The following FANCA variants were observed in gnomAD, a reference collection of about 807,000 sequenced individuals.
The protein encoded by FANCA is FA complementation group A.
A neutral mutation model predicts 194.3 loss-of-function variants in FANCA; 236 were observed. The observed-to-expected ratio is 1.21, with a 90% CI of 1.09 to 1.35. The LOEUF is 1.35. FANCA is among the 40% of genes most tolerant of loss of function. The pLI, the probability that FANCA is intolerant of heterozygous loss-of-function variation, is 0.00. For synonymous variants in FANCA, 1,014 were observed against 715.8 expected, an observed-to-expected ratio of 1.42 and a Z score of -6.65; for missense variants, 2,628 against 1,813.9, an observed-to-expected ratio of 1.45 and a Z score of -8.15.
At chr16:89,766,900 C>T (rs2039147705) in intron 27 of FANCA, among the ~76,000 whole-genome samples, 2 of 152,198 alleles carry the variant, frequency 1.3e-5, no homozygotes. Context: ...CATACAACTT[C>T]ACTTTACACT....
At chr16:89,770,759 T>G in intron 23 of FANCA, 125 bp from the exon 24 acceptor site, 1 of 819,146 alleles carries the variant, frequency 1.2e-6, no homozygotes, top group South Asian at 1.5e-5. Flanking sequence ...AAAACAGGCT[T>G]GTTTGGAGGG....
At chr16:89,811,171 C>G in intron 3 of FANCA, 100 bp from the exon 4 acceptor site, 1 of 1,503,490 alleles carries the variant, frequency 6.7e-7, no homozygotes, top group East Asian at 2.3e-5. Context: ...AGATGCAGCA[C>G]AAAAAAAATT....
chr16:89,754,971 C>T (rs2038720119), intron 30 of FANCA, among the ~76,000 whole-genome samples: 1 of 152,134 alleles, frequency 6.6e-6, no homozygotes, highest in Non-Finnish European at 1.5e-5. Context: ...AGTTGGAGGC[C>T]TCACACTTCC....
At chr16:89,810,005 G>A (rs530582954) in intron 5 of FANCA, among the ~76,000 whole-genome samples, 16 of 151,802 alleles carry the variant, frequency 1.1e-4, no homozygotes, top group East Asian at 1.9e-4. Context: ...CAGCCTGGGC[G>A]GCAGAGCAAT....
chr16:89,768,634 C>G (rs545120810), intron 26 of FANCA, among the ~76,000 whole-genome samples: 4 of 151,714 alleles, frequency 2.6e-5, no homozygotes, highest in Admixed American at 2.6e-4. Flanking sequence ...CCAGCCTGGA[C>G]GATAGAGTGA....
chr16:89,765,122 G>A lies in FANCA; in HGVS notation c.2602-56C>T, dbSNP rs935735173. 17 of 1,595,610 alleles carry A rather than the reference G, an allele frequency of 1.1e-5. No homozygotes were observed. The African/African-American group carries it at 2.3e-4, about 21-fold the overall frequency. ...CATTGCGCAAGTTTCACTGTGAGTG[G>A]CTGAGCAAATGCTCAGGTGGAAACA... On this transcript the variant is annotated intron_variant, in intron 27 of 42. Coordinates refer to ENST00000389301, the MANE Select transcript of FANCA (RefSeq NM_000135.4).
intron 13 of FANCA, 131 bp downstream of exon 13, chr16:89,791,796 G>A: frequency 5.0e-6 from 6 of 1,193,940 alleles, no homozygotes; most frequent in Non-Finnish European, 7.4e-6. Context: ...CCATCGACAG[G>A]AGGCACTGCA....
At position 89,738,463 on chromosome 16, in the gene FANCA, A is replaced by C; in HGVS notation, c.*138T>G. 6.9e-7 allele frequency: 1 copy of C among 1,448,442 alleles called. No homozygotes were observed. The highest frequency in any genetic ancestry group is 9.5e-7 in the Non-Finnish European group (1 of 1,055,450). The allele number at this position is 1,448,442 out of a possible 1,614,324, so 89.7% of individuals were successfully genotyped here. A position where few individuals can be genotyped will look rare whatever the true frequency, so the allele number is the denominator to read the frequency against. Reference sequence around the variant, plus strand: ...TGAGTGACTCGGGGCCGGACAGTTCATAAATAATTGATTCCTTTCCCCACT... The same window carrying C: ...TGAGTGACTCGGGGCCGGACAGTTCCTAAATAATTGATTCCTTTCCCCACT... On this transcript the variant is annotated 3_prime_UTR_variant, in exon 43 of 43. Transcript: ENST00000389301.
chr16:89,774,083 A>G (rs1428941664), intron 21 of FANCA, among the ~76,000 whole-genome samples: 1 of 152,006 alleles, frequency 6.6e-6, no homozygotes, highest in African/African-American at 2.4e-5. Context: ...CTTTCAATAT[A>G]AAAAGGAAGA....
intron 28 of FANCA, among the ~76,000 whole-genome samples, chr16:89,763,494 A>G (rs542873766): frequency 2.0e-5 from 3 of 152,060 alleles, no homozygotes; most frequent in African/African-American, 4.8e-5. Context: ...ATTCTTTTCT[A>G]AAGACCAAAA....
At position 89,737,822 on chromosome 16, in the gene FANCA, C is replaced by T; in HGVS notation, c.*779G>A. 6.2e-7 allele frequency: 1 copy of T among 1,614,222 alleles called. No homozygotes were observed. The highest frequency in any genetic ancestry group is 8.5e-7 in the Non-Finnish European group (1 of 1,180,048). On this transcript the variant is annotated 3_prime_UTR_variant, in exon 43 of 43. Transcript: ENST00000389301. Reference sequence around the variant, plus strand: ...CCCTCTCAGAGGTGCGGAACTATATCTGTGACGAATGTGGACAAACCTTCA... The same window carrying T: ...CCCTCTCAGAGGTGCGGAACTATATTTGTGACGAATGTGGACAAACCTTCA...
chr16:89,749,825 G>C lies in FANCA; in HGVS notation c.3144C>G (p.Leu1048=), dbSNP rs1302242291. Residue 1048 remains leucine (L), a synonymous_variant, in exon 32 of 43, where the codon CTC becomes CTG. Coordinates refer to ENST00000389301, the MANE Select transcript of FANCA (RefSeq NM_000135.4). The stretch of plus-strand genomic sequence containing the variant: ...GGAGCCGTCTGCGGAAAATCTCAAA[G>C]AGGAAGTGCTCCTGGGAAGGGGTGT... The part of the protein sequence containing the change: ...LGHTPSQEHF[L]FEIFRRRLQA... The C allele has an allele frequency of 3.1e-6, 5 of 1,614,238 alleles. No homozygotes were observed. Among genetic ancestry groups the C allele is most frequent in the Non-Finnish European group, 4.2e-6 (5 of 1,180,038 alleles).
Position 89,738,422 on chromosome 16 carries a change from A to G in FANCA, c.*179T>C. 5 of 1,373,284 alleles carry G rather than the reference A, an allele frequency of 3.6e-6. No individual in the cohort carries two copies. The highest frequency in any genetic ancestry group is 2.5e-4 in the Middle Eastern group (1 of 3,938). The allele number at this position is 1,373,284 out of a possible 1,614,324, so 85.1% of individuals were successfully genotyped here. ...TCCTCTGCTCTGGGACCAGTGGTTT[A>G]TTTTCCCGCAAACGCTGAGTGACTC... is the stretch of plus-strand genomic sequence containing the variant. On this transcript the variant is annotated 3_prime_UTR_variant, in exon 43 of 43. Coordinates refer to ENST00000389301, the MANE Select transcript of FANCA (RefSeq NM_000135.4).
Position 89,816,537 on chromosome 16 carries a change from C to G in FANCA, c.79G>C (p.Ala27Pro). Residue 27 changes from alanine to proline, a missense_variant and splice_region_variant, in exon 1 of 43, where the codon GCG becomes CCG. Coordinates refer to ENST00000389301, the MANE Select transcript of FANCA (RefSeq NM_000135.4). ...GRRRAWAELL[A>P]GRVKREKYNP... Reference sequence around the variant, plus strand: ...CCCGCGGCCTGCCGCGCCCACCTACCCAGCAGCTCGGCCCAGGCCCTCCGG... The same window carrying G: ...CCCGCGGCCTGCCGCGCCCACCTACGCAGCAGCTCGGCCCAGGCCCTCCGG... 1 of 1,495,774 alleles carries G rather than the reference C, an allele frequency of 6.7e-7. No homozygotes were observed. The highest frequency in any genetic ancestry group is 8.9e-7 in the Non-Finnish European group (1 of 1,129,670). The allele number at this position is 1,495,774 out of a possible 1,614,324, so 92.7% of individuals were successfully genotyped here. A position where few individuals can be genotyped will look rare whatever the true frequency, so the allele number is the denominator to read the frequency against.
chr16:89,739,189 C>T lies in FANCA; in HGVS notation c.4111G>A (p.Gly1371Arg), dbSNP rs757592625. 3.1e-6 allele frequency: 5 copies of T among 1,614,042 alleles called. No individual in the cohort carries two copies. The highest frequency in any genetic ancestry group is 3.3e-5 in the Admixed American group (2 of 60,006). The change falls in exon 41 of 43, where the codon GGG becomes AGG. Residue 1371 changes from glycine (G) to arginine (R), a missense_variant. Coordinates refer to ENST00000389301, the MANE Select transcript of FANCA (RefSeq NM_000135.4). Reference protein sequence around the residue: ...YLKLVQLFVAGDTSTVSPPAG... With the variant: ...YLKLVQLFVARDTSTVSPPAG... ...GGAGGTGAAACTGTGCTTGTATCCC[C>T]AGCCACGAAGAGCTGGACCAGCTTC...
chr16:89,811,087 A>G lies in FANCA; in HGVS notation c.284-16T>C, dbSNP rs1430823029. On this transcript the variant is annotated splice_polypyrimidine_tract_variant and intron_variant, in intron 3 of 42. Coordinates refer to ENST00000389301, the MANE Select transcript of FANCA (RefSeq NM_000135.4). ...AAAGCAGAGCCTTAAACACAAAACA[A>G]AACCATAGCTTTCTCTTAACACATG... The G allele has an allele frequency of 6.2e-7, 1 of 1,613,882 alleles. No individual in the cohort carries two copies. The highest frequency in any genetic ancestry group is 1.1e-5 in the South Asian group (1 of 91,086).
rs149112292 is a variant in FANCA, at chr16:89,758,699, G to A, written c.2859C>T (p.Asp953=). 2 of 1,613,668 alleles carry A rather than the reference G, an allele frequency of 1.2e-6. No individual in the cohort carries two copies. Among genetic ancestry groups the A allele is most frequent in the Non-Finnish European group, 1.7e-6 (2 of 1,179,678 alleles). ...GCTCATGGATCGCCCACTGGTGGAA[G>A]TCCTGCCTAGAACAGCAAACACTGC... is the stretch of plus-strand genomic sequence containing the variant. ...ADALSDTERQ[D]FHQWAIHEHF... is the part of the protein sequence containing the mutation. Residue 953 remains aspartate, a synonymous_variant, in exon 30 of 43, where the codon GAC becomes GAT. Coordinates refer to ENST00000389301, the MANE Select transcript of FANCA (RefSeq NM_000135.4).
chr16:89,744,247 G>A (rs770026406), intron 36 of FANCA, among the ~76,000 whole-genome samples: 14 of 152,208 alleles, frequency 9.2e-5, no homozygotes, highest in Non-Finnish European at 1.9e-4. Context: ...AGGGGACCCG[G>A]TGTGGCATCA....
Position 89,737,970 on chromosome 16 carries a change from C to T in FANCA, c.*631G>A, listed in dbSNP as rs2062004613. 6.2e-7 allele frequency: 1 copy of T among 1,614,134 alleles called. No homozygotes were observed. The highest frequency in any genetic ancestry group is 8.5e-7 in the Non-Finnish European group (1 of 1,180,008). Reference sequence around the variant, plus strand: ...TCGCACCTTCTTATCTGCCTCTGTCCCCCAGGTGTGAGGTCTGTGGGTTCC... The same window carrying T: ...TCGCACCTTCTTATCTGCCTCTGTCTCCCAGGTGTGAGGTCTGTGGGTTCC... On this transcript the variant is annotated 3_prime_UTR_variant, in exon 43 of 43. Coordinates refer to ENST00000389301, the MANE Select transcript of FANCA (RefSeq NM_000135.4).
Sources: allele counts gnomAD v4.1 joint callset (sites outside exome capture counted in the v4.1 genomes callset), GRCh38; gene constraint gnomAD v4.1.1; transcripts MANE v1.5; gene names NCBI Gene and HGNC (gene_info 2026-07-23, HGNC 2026-07-21).